The following VPS13B variants were observed in gnomAD, a reference collection of about 807,000 sequenced individuals.
VPS13B encodes intermembrane lipid transfer protein VPS13B.
In VPS13B, 285 loss-of-function variants were observed where a neutral mutation model predicts 426.4. That is an observed-to-expected ratio of 0.67 (90% confidence interval 0.61 to 0.74). The LOEUF (loss-of-function observed/expected upper bound fraction) is 0.74, where lower values mean the gene tolerates loss of function less well. VPS13B is among the 30% of genes least tolerant of loss of function. VPS13B has a pLI of 0.00. For missense variants in VPS13B, 4,537 were observed against 4,782.6 expected (o/e 0.95, Z 1.51); for synonymous variants, 1,676 against 1,676.4 (o/e 1.00, Z 0.01).
At chr8:99,084,331 G>T (rs1845649764) in intron 3 of VPS13B, among the ~76,000 whole-genome samples, 1 of 152,044 alleles carries the variant, frequency 6.6e-6, no homozygotes, top group Non-Finnish European at 1.5e-5. Context: ...GCGTCTATTT[G>T]ATTCTTCTCT....
intron 16 of VPS13B, 99 bp downstream of exon 16, chr8:99,170,262 T>G (rs1812251385): frequency 2.8e-6 from 4 of 1,430,862 alleles, no homozygotes; most frequent in African/African-American, 1.4e-5. Flanking sequence ...GCTAGTTTTA[T>G]ACAAAACTTT....
At chr8:99,840,162 C>T (rs1815608332) in intron 54 of VPS13B, among the ~76,000 whole-genome samples, 1 of 152,218 alleles carries the variant, frequency 6.6e-6, no homozygotes, top group Non-Finnish European at 1.5e-5. Flanking sequence ...GTGGTCTAAC[C>T]AGCTATTAAC....
intron 25 of VPS13B, among the ~76,000 whole-genome samples, chr8:99,483,022 A>G (rs1352167673): frequency 1.3e-5 from 2 of 152,160 alleles, no homozygotes; most frequent in African/African-American, 4.8e-5. Context: ...TAAAGACACC[A>G]TTTCCTCTGG....
At chr8:99,539,029 A>C (rs145448181) in intron 30 of VPS13B, among the ~76,000 whole-genome samples, 1 of 152,204 alleles carries the variant, frequency 6.6e-6, no homozygotes, top group Non-Finnish European at 1.5e-5. Flanking sequence ...ATTTTATTCC[A>C]TAAGAAAGTA....
At chr8:99,049,910 C>T (rs1587963402) in intron 3 of VPS13B, among the ~76,000 whole-genome samples, 2 of 151,772 alleles carry the variant, frequency 1.3e-5, no homozygotes, top group African/African-American at 4.8e-5. Flanking sequence ...TTAATTTGAA[C>T]ACCTTGTCTT....
chr8:99,662,240 T>A (rs1252350481), intron 35 of VPS13B, among the ~76,000 whole-genome samples: 1 of 152,048 alleles, frequency 6.6e-6, no homozygotes, highest in East Asian at 1.9e-4. Flanking sequence ...TTCCTCGATC[T>A]TCCTCCTCTG....
At chr8:99,098,226 A>G (rs929482736) in intron 4 of VPS13B, among the ~76,000 whole-genome samples, 1 of 152,036 alleles carries the variant, frequency 6.6e-6, no homozygotes, top group African/African-American at 2.4e-5. Flanking sequence ...CATTCTCTCC[A>G]GGTTTTATGG....
At chr8:99,865,512 C>T (rs1480267778) in intron 58 of VPS13B, among the ~76,000 whole-genome samples, 1 of 152,232 alleles carries the variant, frequency 6.6e-6, no homozygotes, top group Admixed American at 6.5e-5. Context: ...TCAGAAAAGT[C>T]CCCTCCGAGG....
chr8:99,465,537 T>G (rs921366804), intron 23 of VPS13B, among the ~76,000 whole-genome samples: 1 of 151,996 alleles, frequency 6.6e-6, no homozygotes, highest in Non-Finnish European at 1.5e-5. Flanking sequence ...ATTTAACAAA[T>G]TTTAATCTGG....
chr8:99,508,904 A>G (rs1298948482), intron 28 of VPS13B, among the ~76,000 whole-genome samples: 1 of 152,064 alleles, frequency 6.6e-6, no homozygotes, highest in African/African-American at 2.4e-5. Flanking sequence ...AGGATGCAGC[A>G]ATTAAAAAAA....
At position 99,766,822 on chromosome 8, in the gene VPS13B, G is replaced by T. The variant is rs1001142449; in HGVS notation, c.7099G>T (p.Ala2367Ser). 1.2e-6 allele frequency: 2 copies of T among 1,613,898 alleles called. No individual in the cohort carries two copies. Among genetic ancestry groups the T allele is most frequent in the East Asian group, 2.2e-5 (1 of 44,830 alleles). The change falls in exon 40 of 62, where the codon GCA becomes TCA. Residue 2367 changes from alanine (A) to serine (S), a missense_variant. By Grantham distance (99) the Ala-to-Ser change is moderately conservative. Transcript: ENST00000357162. ...GGATGAACTCCAGAAGGTTTTTGTT[G>T]CATTTAGAGAATTTAATCTGTCTGA... ...YWDELQKVFVAFREFNLSESK... is the reference protein window; with the variant it reads ...YWDELQKVFVSFREFNLSESK...
At chr8:99,401,926 G>C (rs1815060583) in intron 21 of VPS13B, among the ~76,000 whole-genome samples, 2 of 152,058 alleles carry the variant, frequency 1.3e-5, no homozygotes, top group Non-Finnish European at 2.9e-5. Context: ...AGTATAAGTG[G>C]ATATTCTCAT....
intron 35 of VPS13B, among the ~76,000 whole-genome samples, chr8:99,665,099 G>A (rs1830427815): frequency 6.6e-6 from 1 of 152,036 alleles, no homozygotes; most frequent in Non-Finnish European, 1.5e-5. Context: ...TGTGTTTTTT[G>A]GCTACATAAA....
chr8:99,243,193 A>G (rs1817024577), intron 17 of VPS13B, among the ~76,000 whole-genome samples: 1 of 152,222 alleles, frequency 6.6e-6, no homozygotes, highest in Non-Finnish European at 1.5e-5. Flanking sequence ...TATGACAAAA[A>G]GTGCATGAAG....
intron 12 of VPS13B, among the ~76,000 whole-genome samples, chr8:99,142,450 G>A (rs72670296): frequency 2.0e-5 from 3 of 152,248 alleles, no homozygotes; most frequent in Non-Finnish European, 4.4e-5. Context: ...GTAGGATTCT[G>A]TACCATGGAA....
At chr8:99,253,341 T>C (rs1033861836) in intron 17 of VPS13B, among the ~76,000 whole-genome samples, 62 of 152,180 alleles carry the variant, frequency 4.1e-4, no homozygotes, top group Non-Finnish European at 6.6e-4. Context: ...TTCAGTTCTC[T>C]TGGTTATCTA....
At chr8:99,665,834 A>T (rs2129820888) in intron 35 of VPS13B, among the ~76,000 whole-genome samples, 1 of 152,244 alleles carries the variant, frequency 6.6e-6, no homozygotes, top group African/African-American at 2.4e-5. Context: ...ACTTTAAAGT[A>T]GTTTTTTCCA....
intron 39 of VPS13B, among the ~76,000 whole-genome samples, chr8:99,761,071 C>T (rs148161855): frequency 3.3e-5 from 5 of 152,076 alleles, no homozygotes; most frequent in Admixed American, 6.6e-5. Context: ...AGAATAAGTA[C>T]GTGACTTTTA....
chr8:99,059,292 A>G (rs1324741887), intron 3 of VPS13B, among the ~76,000 whole-genome samples: 1 of 152,136 alleles, frequency 6.6e-6, no homozygotes, highest in Non-Finnish European at 1.5e-5. Context: ...GGAAGCCACC[A>G]ATGCCCGGCT....
Sources: allele counts gnomAD v4.1 joint callset (sites outside exome capture counted in the v4.1 genomes callset), GRCh38; gene constraint gnomAD v4.1.1; transcripts MANE v1.5; gene names NCBI Gene and HGNC (gene_info 2026-07-23, HGNC 2026-07-21).